The following DMD variants were observed in gnomAD, a reference collection of about 807,000 sequenced individuals.
The protein encoded by DMD is mutant dystrophin.
DMD carries 63 observed loss-of-function variants against 330.1 expected under a neutral mutation model. The ratio of observed to expected loss-of-function variants is 0.19; its 90% CI spans 0.16 to 0.24. The LOEUF (loss-of-function observed/expected upper bound fraction) is 0.24. Among genes scored for constraint, DMD ranks in the 10% least tolerant of loss-of-function variants. The probability of loss-of-function intolerance (pLI) is 1.00; values close to 1 mark genes in which losing one functional copy is unlikely to be tolerated. For missense variants in DMD, 3,344 were observed against 2,684.1 expected (o/e 1.25, Z -5.43); for synonymous variants, 1,223 against 959.8 (o/e 1.27, Z -5.07).
At chrX:31,526,673 T>A (rs2073259561) in intron 55 of DMD, among the ~76,000 whole-genome samples, 1 of 112,180 alleles carries the variant, frequency 8.9e-6, no homozygotes, top group Non-Finnish European at 1.9e-5. Context: ...AATGGGCATC[T>A]GCTCTCTCCT....
At chrX:32,777,235 G>A (rs1284390487) in intron 7 of DMD, among the ~76,000 whole-genome samples, 4 of 75,291 alleles carry the variant, frequency 5.3e-5, no homozygotes, top group Non-Finnish European at 9.4e-5. Context: ...TAGGGATACA[G>A]ACTGGACTGG....
intron 55 of DMD, among the ~76,000 whole-genome samples, chrX:31,624,489 G>A (rs779853856): frequency 2.0e-4 from 22 of 112,237 alleles, no homozygotes; most frequent in African/African-American, 6.1e-4. Flanking sequence ...GCTGATAGAC[G>A]AAAGTGATAG....
chrX:32,984,600 A>C (rs1371924100), intron 2 of DMD, among the ~76,000 whole-genome samples: 2 of 112,129 alleles, frequency 1.8e-5, no homozygotes, highest in Non-Finnish European at 3.8e-5. Context: ...GGAAGTAAAA[A>C]TAGTATCTTC....
intron 9 of DMD, among the ~76,000 whole-genome samples, chrX:32,682,605 A>G (rs1448358377): frequency 1.8e-5 from 2 of 112,123 alleles, no homozygotes; most frequent in Non-Finnish European, 3.8e-5. Context: ...TCATATCAAA[A>G]AAAACAAATT....
chrX:31,355,012 C>T (rs760483352), intron 60 of DMD, among the ~76,000 whole-genome samples: 1 of 111,945 alleles, frequency 8.9e-6, no homozygotes, highest in Non-Finnish European at 1.9e-5. Context: ...AAGCTCAGTC[C>T]ATTCCTCTGT....
At chrX:31,163,186 C>G (rs2039041665) in intron 74 of DMD, among the ~76,000 whole-genome samples, 1 of 111,758 alleles carries the variant, frequency 8.9e-6, no homozygotes, top group Admixed American at 9.5e-5. Flanking sequence ...TTATAGCTCT[C>G]ATAATCCGCA....
chrX:31,450,097 A>T (rs750242863), intron 59 of DMD, among the ~76,000 whole-genome samples: 2 of 110,987 alleles, frequency 1.8e-5, no homozygotes, highest in African/African-American at 3.3e-5. Context: ...TTTGTTAACC[A>T]AGACTCTTGG....
At chrX:31,896,551 CT>C (rs1447838908) in intron 47 of DMD, among the ~76,000 whole-genome samples, 1 of 110,762 alleles carries the variant, frequency 9.0e-6, no homozygotes, top group East Asian at 2.8e-4. Flanking sequence ...ATGTTCATAC[CT>C]AATTTTATAT....
intron 45 of DMD, among the ~76,000 whole-genome samples, chrX:31,950,348 C>T (rs934044350): frequency 9.0e-6 from 1 of 111,517 alleles, no homozygotes; most frequent in Admixed American, 9.5e-5. Context: ...ATTAAGAGAA[C>T]ATAATTTTTA....
intron 12 of DMD, among the ~76,000 whole-genome samples, chrX:32,606,722 CATATAT>C (rs59502866): frequency 0.23 from 19,519 of 85,825 alleles, 4,683 homozygotes; most frequent in African/African-American, 0.68. Flanking sequence ...TGTATATACG[CATATAT>C]ATATATATAT....
intron 7 of DMD, among the ~76,000 whole-genome samples, chrX:32,715,397 A>G (rs1008657913): frequency 4.8e-5 from 5 of 104,548 alleles, no homozygotes; most frequent in Non-Finnish European, 9.8e-5. Flanking sequence ...GAATCTCTTA[A>G]AGCCAGGAAG....
intron 1 of DMD, among the ~76,000 whole-genome samples, chrX:33,309,972 G>T (rs2053824805): frequency 9.0e-6 from 1 of 110,799 alleles, no homozygotes; most frequent in South Asian, 3.8e-4. Flanking sequence ...ATCCATGTCT[G>T]AAAATCAAAT....
At chrX:32,697,319 T>A (rs1442963524) in intron 9 of DMD, among the ~76,000 whole-genome samples, 1 of 111,685 alleles carries the variant, frequency 9.0e-6, no homozygotes, top group Non-Finnish European at 1.9e-5. Context: ...GACTTTTTCT[T>A]ATAAATACTA....
chrX:31,772,419 T>G (rs1396176277), intron 51 of DMD, among the ~76,000 whole-genome samples: 1 of 111,885 alleles, frequency 8.9e-6, no homozygotes, highest in Non-Finnish European at 1.9e-5. Context: ...CTTTGGTAAA[T>G]AAAAGTCCTG....
At chrX:32,190,628 T>A (rs1020907069) in intron 44 of DMD, among the ~76,000 whole-genome samples, 1 of 100,721 alleles carries the variant, frequency 9.9e-6, no homozygotes, top group East Asian at 3.1e-4. Context: ...TCCACAGTTA[T>A]AAGTTCTTTA....
At chrX:32,256,692 T>C (rs1483796708) in intron 43 of DMD, among the ~76,000 whole-genome samples, 1 of 111,597 alleles carries the variant, frequency 9.0e-6, no homozygotes, top group Non-Finnish European at 1.9e-5. Context: ...TCAGGAGCTC[T>C]TGTAAGCCAG....
At chrX:32,616,742 G>C (rs1253743056) in intron 11 of DMD, among the ~76,000 whole-genome samples, 3 of 77,259 alleles carry the variant, frequency 3.9e-5, no homozygotes, top group Non-Finnish European at 6.9e-5. Context: ...TGAAACCCAA[G>C]ATCCTGTTGC....
intron 7 of DMD, among the ~76,000 whole-genome samples, chrX:32,730,005 T>A (rs763049574): frequency 6.5e-4 from 73 of 111,709 alleles, no homozygotes; most frequent in African/African-American, 2.3e-3. Flanking sequence ...GTTTTTGGCT[T>A]TGGGAAACTG....
At chrX:31,941,670 C>G (rs1184843806) in intron 45 of DMD, among the ~76,000 whole-genome samples, 1 of 111,295 alleles carries the variant, frequency 9.0e-6, no homozygotes, top group Non-Finnish European at 1.9e-5. Flanking sequence ...AGCATAGTAC[C>G]CGATAGGTAG....
Sources: gnomAD v4.1 joint callset for allele counts (sites outside exome capture counted in the v4.1 genomes callset) on GRCh38, gnomAD v4.1.1 for gene constraint, MANE v1.5 for transcripts, NCBI Gene and HGNC (gene_info 2026-07-23, HGNC 2026-07-21) for gene names.